The following SDK1 variants were observed in gnomAD, a reference collection of about 807,000 sequenced individuals.
The protein encoded by SDK1 is sidekick cell adhesion molecule 1.
SDK1 carries 157 observed loss-of-function variants against 245.5 expected under a neutral mutation model. The observed-to-expected ratio is 0.64, with a 90% CI of 0.56 to 0.73. The LOEUF is 0.73. SDK1 is among the 30% of genes least tolerant of loss of function. The pLI, the probability that SDK1 is intolerant of heterozygous loss-of-function variation, is 0.00. For synonymous variants in SDK1, 1,647 were observed against 1,278.5 expected, an observed-to-expected ratio of 1.29 and a Z score of -6.15; for missense variants, 3,583 against 3,002.3, an observed-to-expected ratio of 1.19 and a Z score of -4.52.
At chr7:3,753,196 A>C (rs1350809079) in intron 4 of SDK1, among the ~76,000 whole-genome samples, 3 of 152,188 alleles carry the variant, frequency 2.0e-5, no homozygotes, top group African/African-American at 7.2e-5. Context: ...AAATTTCATG[A>C]CTGTTTTTCA....
intron 35 of SDK1, among the ~76,000 whole-genome samples, chr7:4,193,248 T>C (rs1783331534): frequency 1.5e-5 from 2 of 133,996 alleles, no homozygotes; most frequent in African/African-American, 5.8e-5. Context: ...ATATACAATA[T>C]ATTGTAATTA....
At chr7:3,987,352 G>A (rs1443150388) in intron 14 of SDK1, 30 bp downstream of exon 14, 2 of 1,610,584 alleles carry the variant, frequency 1.2e-6, no homozygotes, top group Admixed American at 1.7e-5. Context: ...TGTCACCATG[G>A]ACGATAATCA....
chr7:3,677,287 T>A (rs1320672497), intron 4 of SDK1, among the ~76,000 whole-genome samples: 2 of 152,182 alleles, frequency 1.3e-5, no homozygotes, highest in African/African-American at 4.8e-5. Context: ...ATTCTTCTTT[T>A]TTAGATGTTA....
intron 20 of SDK1, among the ~76,000 whole-genome samples, chr7:4,075,736 C>T (rs1040688398): frequency 6.6e-6 from 1 of 151,860 alleles, no homozygotes; most frequent in African/African-American, 2.4e-5. Context: ...CTCACTGCAA[C>T]CTCCGCCTCC....
At chr7:4,000,495 C>T (rs1784991794) in intron 14 of SDK1, among the ~76,000 whole-genome samples, 1 of 152,120 alleles carries the variant, frequency 6.6e-6, no homozygotes, top group Non-Finnish European at 1.5e-5. Context: ...CAAAGAGAAT[C>T]TCTGAGCTGC....
At chr7:3,480,952 G>A (rs1353778183) in intron 1 of SDK1, among the ~76,000 whole-genome samples, 1 of 152,120 alleles carries the variant, frequency 6.6e-6, no homozygotes, top group Non-Finnish European at 1.5e-5. Flanking sequence ...GTATCCTTGT[G>A]TTTTAAGTGT....
At chr7:3,476,805 T>C (rs1781359642) in intron 1 of SDK1, among the ~76,000 whole-genome samples, 1 of 152,170 alleles carries the variant, frequency 6.6e-6, no homozygotes, top group Non-Finnish European at 1.5e-5. Context: ...CCCAGCAAGG[T>C]GGCTGACTGG....
At chr7:3,996,835 G>C (rs1166852769) in intron 14 of SDK1, among the ~76,000 whole-genome samples, 2 of 151,996 alleles carry the variant, frequency 1.3e-5, no homozygotes, top group Non-Finnish European at 2.9e-5. Context: ...TGCTGTGTTG[G>C]TTGGAATAAT....
At chr7:3,884,122 G>C (rs34730154) in intron 5 of SDK1, among the ~76,000 whole-genome samples, 36,015 of 148,192 alleles carry the variant, frequency 0.24, 5,070 homozygotes, top group African/African-American at 0.39. Flanking sequence ...GCTGTGTCAC[G>C]CAGGCTGGAG....
At chr7:3,987,361 C>G (rs973343223) in intron 14 of SDK1, 39 bp downstream of exon 14, 2 of 1,606,822 alleles carry the variant, frequency 1.2e-6, no homozygotes, top group Non-Finnish European at 1.7e-6. Flanking sequence ...GGACGATAAT[C>G]AGATTTTTGT....
chr7:3,623,568 C>G (rs970311394), intron 2 of SDK1, among the ~76,000 whole-genome samples: 1 of 152,096 alleles, frequency 6.6e-6, no homozygotes, highest in Non-Finnish European at 1.5e-5. Context: ...TATTGATGCT[C>G]ATGTCTACAT....
chr7:3,464,506 G>A (rs1453162422), intron 1 of SDK1, among the ~76,000 whole-genome samples: 1 of 152,172 alleles, frequency 6.6e-6, no homozygotes, highest in Non-Finnish European at 1.5e-5. Flanking sequence ...GGGTGATAGA[G>A]TGAGACCCTG....
chr7:3,820,477 T>G (rs1009346199), intron 4 of SDK1, among the ~76,000 whole-genome samples: 1 of 152,148 alleles, frequency 6.6e-6, no homozygotes, highest in Non-Finnish European at 1.5e-5. Context: ...TTTACCACCC[T>G]CATCCACCTC....
At chr7:3,405,468 G>A (rs1779026112) in intron 1 of SDK1, among the ~76,000 whole-genome samples, 2 of 152,148 alleles carry the variant, frequency 1.3e-5, no homozygotes, top group Admixed American at 1.3e-4. Flanking sequence ...CACAAAATTT[G>A]AATGTATATG....
At chr7:3,870,944 G>C (rs1053054726) in intron 5 of SDK1, among the ~76,000 whole-genome samples, 1 of 152,104 alleles carries the variant, frequency 6.6e-6, no homozygotes, top group Non-Finnish European at 1.5e-5. Flanking sequence ...CAGTTATTTT[G>C]CAGAGATTAT....
intron 4 of SDK1, among the ~76,000 whole-genome samples, chr7:3,762,125 C>G (rs376870900): frequency 2.0e-5 from 3 of 152,254 alleles, no homozygotes; most frequent in Admixed American, 6.5e-5. Context: ...CACATAACAG[C>G]GGTTTGGGGG....
At position 4,267,819 on chromosome 7, in the gene SDK1, G is replaced by A. The variant is rs529967418; in HGVS notation, c.*2435G>A. ...TACGGAGCGGCCTGTCCGAGGCTAC[G>A]CCGGCCTCCTGGCTGCTGCTGGACT... On this transcript the variant is annotated 3_prime_UTR_variant, in exon 45 of 45. Coordinates refer to ENST00000404826, the MANE Select transcript of SDK1 (RefSeq NM_152744.4). 15 of 985,574 alleles carry A rather than the reference G, an allele frequency of 1.5e-5. No individual in the cohort carries two copies. The South Asian group carries it at 1.9e-4, about 12-fold the overall frequency. 61.1% of individuals were successfully genotyped at this position (985,574 alleles called of 1,614,324 possible).
At position 3,349,842 on chromosome 7, in the gene SDK1, T is replaced by C. The variant is rs539080129; in HGVS notation, c.298+47958T>C. Among the ~76,000 whole-genome samples, 10 of 152,270 alleles carry C rather than the reference T, an allele frequency of 6.6e-5. No homozygotes were observed. In the East Asian group the frequency reaches 1.9e-3, roughly 29 times the overall value. ...TGGTCTCGATCTCCTGACCTCATTA[T>C]CTGCCCGCCTCGGCCTCCCAAAGTG... On this transcript the variant is annotated intron_variant, in intron 1 of 44. Coordinates refer to ENST00000404826, the MANE Select transcript of SDK1 (RefSeq NM_152744.4).
chr7:3,639,088 A>C lies in SDK1; in HGVS notation c.543A>C (p.Arg181Ser). Residue 181 changes from arginine to serine, a missense_variant, in exon 3 of 45, where the codon AGA becomes AGC. Transcript: ENST00000404826. The part of the protein sequence containing the change: ...VRNRMGALLQ[R>S]KSEVQVAYMG... Reference sequence around the variant, plus strand: ...ACAGAATGGGAGCACTCCTGCAAAGAAAATCAGAAGTTCAAGTCGCATGTA... The same window carrying C: ...ACAGAATGGGAGCACTCCTGCAAAGCAAATCAGAAGTTCAAGTCGCATGTA... The C allele has an allele frequency of 6.2e-7, 1 of 1,600,692 alleles. No homozygotes were observed. Among genetic ancestry groups the C allele is most frequent in the South Asian group, 1.1e-5 (1 of 89,538 alleles).
Sources: allele counts gnomAD v4.1 joint callset (sites outside exome capture counted in the v4.1 genomes callset), GRCh38; gene constraint gnomAD v4.1.1; transcripts MANE v1.5; gene names NCBI Gene and HGNC (gene_info 2026-07-23, HGNC 2026-07-21).